NFATC2IP: variants seen among roughly 807,000 people sequenced by gnomAD.
The protein encoded by NFATC2IP is nuclear factor of activated T cells 2 interacting protein, also known as NFATC2-interacting protein.
NFATC2IP carries 25 observed loss-of-function variants against 40.2 expected under a neutral mutation model. The observed-to-expected ratio is 0.62, with a 90% CI of 0.45 to 0.87. The LOEUF (loss-of-function observed/expected upper bound fraction) is 0.87, where lower values mean the gene tolerates loss of function less well. Among genes scored for constraint, NFATC2IP ranks in the 40% least tolerant of loss-of-function variants. The pLI is 0.00. For missense variants in NFATC2IP, 553 were observed against 555.6 expected (o/e 1.00, Z 0.05); for synonymous variants, 241 against 236.3 (o/e 1.02, Z -0.18).
rs947279862 is a variant in NFATC2IP, at chr16:28,964,703, G to A, written c.*840G>A. The A allele has an allele frequency of 6.6e-6, 1 of 152,186 alleles. No individual in the cohort carries two copies. Among genetic ancestry groups the A allele is most frequent in the African/African-American group, 2.4e-5 (1 of 41,404 alleles). The allele number at this position is 152,186 out of a possible 1,614,324, so 9.4% of individuals were successfully genotyped here. A position where few individuals can be genotyped will look rare whatever the true frequency, so the allele number is the denominator to read the frequency against. ...TCATGTGTGAATATGTGCTTTTACTGTACATAGTGCTATTGTGCAATAGGT... is the reference window on the plus strand; with the variant it reads ...TCATGTGTGAATATGTGCTTTTACTATACATAGTGCTATTGTGCAATAGGT... On this transcript the variant is annotated 3_prime_UTR_variant, in exon 8 of 8. Transcript: ENST00000320805.
At chr16:28,952,730 T>C (rs1964981022) in intron 2 of NFATC2IP, 1 of 148,730 alleles carries the variant, frequency 6.7e-6, no homozygotes, top group African/African-American at 2.6e-5. Context: ...TGGGTTTGAA[T>C]CTCAGTTCTC....
intron 2 of NFATC2IP, among the ~76,000 whole-genome samples, chr16:28,954,056 G>A (rs1018633346): frequency 1.1e-4 from 17 of 152,126 alleles, no homozygotes; most frequent in Admixed American, 1.1e-3. Flanking sequence ...AAACTGTCCT[G>A]TGCATTGTAG....
intron 1 of NFATC2IP, 38 bp downstream of exon 1, chr16:28,951,436 C>T (rs1206638051): frequency 7.3e-7 from 1 of 1,363,620 alleles, no homozygotes; most frequent in East Asian, 3.0e-5. Context: ...GCGGAAGGGC[C>T]AAGGGCTTGG....
At chr16:28,953,139 A>C (rs1353496839) in intron 2 of NFATC2IP, among the ~76,000 whole-genome samples, 2 of 151,898 alleles carry the variant, frequency 1.3e-5, no homozygotes, top group Admixed American at 1.3e-4. Flanking sequence ...TAGTGGCGCA[A>C]TCTTAGCTCA....
In NFATC2IP at chr16:28,956,139, T is replaced by A; in HGVS notation, c.660-12T>A. ...TGACTCCAGTTGACCCAGAGTCCTG[T>A]CTGCACTGCAGTGAGGTGAACAAGC... On this transcript the variant is annotated splice_polypyrimidine_tract_variant and intron_variant, in intron 4 of 7. Coordinates refer to ENST00000320805, the MANE Select transcript of NFATC2IP (RefSeq NM_032815.4). 1 of 1,613,926 alleles carries A rather than the reference T, an allele frequency of 6.2e-7. No individual in the cohort carries two copies. Among genetic ancestry groups the A allele is most frequent in the Non-Finnish European group, 8.5e-7 (1 of 1,179,890 alleles).
chr16:28,956,005 A>G lies in NFATC2IP; in HGVS notation c.606A>G (p.Pro202=). Residue 202 remains proline (P), a synonymous_variant, in exon 4 of 8, where the codon CCA becomes CCG. Coordinates refer to ENST00000320805, the MANE Select transcript of NFATC2IP (RefSeq NM_032815.4). ...FLDLDNSPLS[P]PSPRTKSRTH... is the part of the protein sequence containing the mutation. ...ATCTGGACAACTCTCCTCTGTCCCC[A>G]CCTTCACCAAGGACCAAAAGCAGAA... 6.2e-7 allele frequency: 1 copy of G among 1,614,004 alleles called. No homozygotes were observed. Among genetic ancestry groups the G allele is most frequent in the East Asian group, 2.2e-5 (1 of 44,870 alleles).
At chr16:28,956,949 AG>A (rs1419029574) in intron 5 of NFATC2IP, 2 of 152,244 alleles carry the variant, frequency 1.3e-5, no homozygotes, top group Non-Finnish European at 2.9e-5. Context: ...CAACTAAGGC[AG>A]AGGCTGCAAA....
Position 28,963,869 on chromosome 16 carries a change from C to T in NFATC2IP, c.*6C>T. ...TCATTGAGGTCTGGGGCTGACACCC[C>T]ACTCCCTGTTTGACGGCCCAGCCTG... On this transcript the variant is annotated 3_prime_UTR_variant, in exon 8 of 8. Transcript: ENST00000320805. 2 of 1,613,864 alleles carry T rather than the reference C, an allele frequency of 1.2e-6. No individual in the cohort carries two copies. The highest frequency in any genetic ancestry group is 1.7e-4 in the Middle Eastern group (1 of 6,058).
chr16:28,962,433 T>A (rs1965098281), intron 7 of NFATC2IP, among the ~76,000 whole-genome samples: 1 of 152,146 alleles, frequency 6.6e-6, no homozygotes, highest in African/African-American at 2.4e-5. Context: ...TCCTCTGGAT[T>A]TTTATGGAAG....
intron 3 of NFATC2IP, among the ~76,000 whole-genome samples, chr16:28,954,987 C>T (rs537796942): frequency 6.6e-6 from 1 of 152,060 alleles, no homozygotes; most frequent in Non-Finnish European, 1.5e-5. Context: ...CTATAAAACC[C>T]CGTTTTATAG....
rs1965129449 is a variant in NFATC2IP, at chr16:28,964,999, T to G, written c.*1136T>G. 6.6e-6 allele frequency: 1 copy of G among 152,196 alleles called. No homozygotes were observed. The highest frequency in any genetic ancestry group is 1.5e-5 in the Non-Finnish European group (1 of 68,042). The allele number at this position is 152,196 out of a possible 1,614,324, so 9.4% of individuals were successfully genotyped here. Reference sequence around the variant, plus strand: ...TCACAGAGGTCAGTTTCTCTTTGGTTTTCCAGATTTTCTTTAGAACGGTGA... The same window carrying G: ...TCACAGAGGTCAGTTTCTCTTTGGTGTTCCAGATTTTCTTTAGAACGGTGA... On this transcript the variant is annotated 3_prime_UTR_variant, in exon 8 of 8. Transcript: ENST00000320805.
chr16:28,955,160 C>G (rs1965007017), intron 3 of NFATC2IP, among the ~76,000 whole-genome samples: 1 of 152,142 alleles, frequency 6.6e-6, no homozygotes, highest in Non-Finnish European at 1.5e-5. Context: ...TGCCACTATA[C>G]TCCAGCCTGG....
Position 28,964,355 on chromosome 16 carries a change from C to T in NFATC2IP, c.*492C>T, listed in dbSNP as rs769374189. The T allele has an allele frequency of 1.7e-4, 27 of 155,892 alleles. No homozygotes were observed. The highest frequency in any genetic ancestry group is 2.7e-4 in the Non-Finnish European group (19 of 70,046). 9.7% of individuals were successfully genotyped at this position (155,892 alleles called of 1,614,324 possible). ...TACACTGGTGTGGTTGCCTGGCTTG[C>T]AGGAAATGACCAAGCTCACACATGC... On this transcript the variant is annotated 3_prime_UTR_variant, in exon 8 of 8. Transcript: ENST00000320805.
In NFATC2IP at chr16:28,956,160, C is replaced by T. The variant is rs375546660; in HGVS notation, c.669C>T (p.Asn223=). ...CCTGTCTGCACTGCAGTGAGGTGAA[C>T]AAGCGCCTCCAGGATCTCCGTTCCT... ...TRALKKLSEV[N]KRLQDLRSCL... Residue 223 remains asparagine (N), a synonymous_variant, in exon 5 of 8, where the codon AAC becomes AAT. Transcript: ENST00000320805. The T allele has an allele frequency of 4.8e-5, 77 of 1,614,052 alleles. No homozygotes were observed. The African/African-American group carries it at 8.8e-4, about 18-fold the overall frequency.
At chr16:28,959,150 C>T (rs752400283) in intron 7 of NFATC2IP, 50 bp downstream of exon 7, 7 of 1,070,970 alleles carry the variant, frequency 6.5e-6, no homozygotes, top group Middle Eastern at 2.1e-4. Flanking sequence ...CCTCTGCTGC[C>T]TCTTGTCTCT....
chr16:28,959,398 T>A (rs1287928043), intron 7 of NFATC2IP, among the ~76,000 whole-genome samples: 1 of 151,994 alleles, frequency 6.6e-6, no homozygotes, highest in African/African-American at 2.4e-5. Context: ...AAAATAACAA[T>A]GAAGGCCACA....
chr16:28,960,419 A>G (rs1965072747), intron 7 of NFATC2IP, among the ~76,000 whole-genome samples: 1 of 152,004 alleles, frequency 6.6e-6, no homozygotes, highest in Admixed American at 6.6e-5. Context: ...CCCAGCATCA[A>G]CTCTTAAGCC....
chr16:28,951,458 G>A (rs763407663), intron 1 of NFATC2IP, 60 bp downstream of exon 1: 136 of 1,351,458 alleles, frequency 1.0e-4, no homozygotes, highest in Non-Finnish European at 1.3e-4. Flanking sequence ...CTCCAGGGAG[G>A]GGCCGGCGTT....
chr16:28,963,011 T>C (rs1965104739), intron 7 of NFATC2IP, among the ~76,000 whole-genome samples: 1 of 152,186 alleles, frequency 6.6e-6, no homozygotes, highest in Non-Finnish European at 1.5e-5. Context: ...AGAGAAACTG[T>C]CTCTACCAAA....
Sources: allele counts gnomAD v4.1 joint callset (sites outside exome capture counted in the v4.1 genomes callset), GRCh38; gene constraint gnomAD v4.1.1; transcripts MANE v1.5; gene names NCBI Gene and HGNC (gene_info 2026-07-23, HGNC 2026-07-21).